ANXA1: variants seen among roughly 807,000 people sequenced by gnomAD.
The protein encoded by ANXA1 is annexin A1.
In ANXA1, 39 loss-of-function variants were observed where a neutral mutation model predicts 47.9. That is an observed-to-expected ratio of 0.81 (90% CI 0.63 to 1.06). ANXA1 has a LOEUF of 1.06. Ranked by LOEUF, ANXA1 falls within the 50% of genes least tolerant of loss-of-function variation. The probability of loss-of-function intolerance (pLI) is 0.00; values close to 1 mark genes in which losing one functional copy is unlikely to be tolerated. For synonymous variants in ANXA1, 146 were observed against 142.5 expected, an observed-to-expected ratio of 1.02 and a Z score of -0.17; for missense variants, 446 against 422.7, an observed-to-expected ratio of 1.06 and a Z score of -0.48.
chr9:73,160,203 C>T (rs1206794051), intron 4 of ANXA1, 60 bp from the exon 5 acceptor site: 2 of 1,248,918 alleles, frequency 1.6e-6, no homozygotes, highest in Non-Finnish European at 2.2e-6. Context: ...GGTAATATCA[C>T]ATTTTTTAAC....
Position 73,158,757 on chromosome 9 carries a change from T to A in ANXA1, c.129T>A (p.Asn43Lys), listed in dbSNP as rs368717717. Reference sequence around the variant, plus strand: ...CGGTGAGCCCCTATCCTACCTTCAATCCATCCTCGGATGTCGCTGCCTTGC... The same window carrying A: ...CGGTGAGCCCCTATCCTACCTTCAAACCATCCTCGGATGTCGCTGCCTTGC... ...GSAVSPYPTF[N>K]PSSDVAALHK... Residue 43 changes from asparagine to lysine, a missense_variant, in exon 3 of 13, where the codon AAT becomes AAA. Coordinates refer to ENST00000257497, the MANE Select transcript of ANXA1 (RefSeq NM_000700.3). The A allele has an allele frequency of 2.9e-5, 47 of 1,613,792 alleles. No homozygotes were observed. The highest frequency in any genetic ancestry group is 4.0e-5 in the Non-Finnish European group (47 of 1,179,890).
rs756551545 is a variant in ANXA1, at chr9:73,169,044, C to T, written c.874C>T (p.Arg292Cys). 11 of 1,610,648 alleles carry T rather than the reference C, an allele frequency of 6.8e-6. No individual in the cohort carries two copies. Among genetic ancestry groups the T allele is most frequent in the African/African-American group, 2.7e-5 (2 of 74,728 alleles). ...LHQAMKGVGTRHKALIRIMVS... is the reference protein window; with the variant it reads ...LHQAMKGVGTCHKALIRIMVS... ...TTATTTTGGCCAGGGTGTTGGAACT[C>T]GCCATAAGGCATTGATCAGGATTAT... The change falls in exon 12 of 13, where the codon CGC becomes TGC. Residue 292 changes from arginine to cysteine, a missense_variant. Coordinates refer to ENST00000257497, the MANE Select transcript of ANXA1 (RefSeq NM_000700.3).
At chr9:73,157,192 A>C (rs1190978088) in intron 1 of ANXA1, among the ~76,000 whole-genome samples, 1 of 152,146 alleles carries the variant, frequency 6.6e-6, no homozygotes, top group African/African-American at 2.4e-5. Flanking sequence ...CTCAAATAGG[A>C]AGAAATGTGA....
At chr9:73,159,799 A>T (rs1020725253) in intron 4 of ANXA1, 1 of 160,758 alleles carries the variant, frequency 6.2e-6, no homozygotes, top group African/African-American at 2.4e-5. Context: ...AATAAGCCTT[A>T]TGTCTTTTAT....
chr9:73,165,299 CT>C, intron 9 of ANXA1, 90 bp downstream of exon 9: 1 of 964,482 alleles, frequency 1.0e-6, no homozygotes. Context: ...AAACAGAACC[CT>C]TTTTCAATAT....
chr9:73,164,736 T>A (rs909836130), intron 8 of ANXA1, among the ~76,000 whole-genome samples: 1 of 152,180 alleles, frequency 6.6e-6, no homozygotes, highest in Non-Finnish European at 1.5e-5. Context: ...AGGTCCAGGT[T>A]ACGGTTGAAT....
chr9:73,164,585 C>T (rs1444707110), intron 8 of ANXA1, among the ~76,000 whole-genome samples: 1 of 151,872 alleles, frequency 6.6e-6, no homozygotes, highest in Non-Finnish European at 1.5e-5. Flanking sequence ...CCGCTTGTGA[C>T]AATAGGGCAG....
chr9:73,162,942 A>G (rs949163294), intron 7 of ANXA1, 81 bp downstream of exon 7: 2 of 1,118,584 alleles, frequency 1.8e-6, no homozygotes, highest in South Asian at 1.3e-5. Flanking sequence ...CTATAAGGGA[A>G]TATCTGAGGC....
At chr9:73,167,809 CAT>C (rs757438191) in intron 11 of ANXA1, 23 of 395,174 alleles carry the variant, frequency 5.8e-5, no homozygotes, top group South Asian at 1.8e-4. Context: ...TTGCTTAAAA[CAT>C]GTGTCACCAC....
chr9:73,164,484 A>C (rs552121413), intron 8 of ANXA1, among the ~76,000 whole-genome samples: 16 of 152,278 alleles, frequency 1.1e-4, no homozygotes, highest in Admixed American at 5.9e-4. Flanking sequence ...TTTTAAGACT[A>C]TCAGGGTTCT....
In ANXA1 at chr9:73,170,088, C is replaced by T; in HGVS notation, c.1022C>T (p.Ala341Val). ...GGAGATTATGAGAAAATCCTGGTGG[C>T]TCTTTGTGGAGGAAACTAAACATTC... The part of the protein sequence containing the change: ...TKGDYEKILV[A>V]LCGGN The change falls in exon 13 of 13, where the codon GCT becomes GTT. Residue 341 changes from alanine (A) to valine (V), a missense_variant. Physicochemically the swap from Ala to Val is moderately conservative, Grantham distance 64. Coordinates refer to ENST00000257497, the MANE Select transcript of ANXA1 (RefSeq NM_000700.3). 2 of 1,606,404 alleles carry T rather than the reference C, an allele frequency of 1.2e-6. No homozygotes were observed. The highest frequency in any genetic ancestry group is 2.2e-5 in the East Asian group (1 of 44,594).
chr9:73,162,970 T>C (rs1824168536), intron 7 of ANXA1, 109 bp downstream of exon 7: 4 of 902,734 alleles, frequency 4.4e-6, no homozygotes, highest in Non-Finnish European at 6.8e-6. Flanking sequence ...TTTTTAAAGA[T>C]AAAAAGGTTT....
In ANXA1 at chr9:73,166,192, G is replaced by A. The variant is rs1369672677; in HGVS notation, c.802G>A (p.Val268Met). The change falls in exon 10 of 13, where the codon GTG becomes ATG. Residue 268 changes from valine (V) to methionine (M), a missense_variant and splice_region_variant. Val to Met is a conservative substitution (Grantham distance 21, BLOSUM62 1). Transcript: ENST00000257497. ...GDIEKCLTAIVKCATSKPAFF... is the reference protein window; with the variant it reads ...GDIEKCLTAIMKCATSKPAFF... ...CATTGAGAAATGCCTCACAGCTATC[G>A]GTATGTAGTCCAGCAGTTGAAAGAG... 6 of 1,606,036 alleles carry A rather than the reference G, an allele frequency of 3.7e-6. No homozygotes were observed. Among genetic ancestry groups the A allele is most frequent in the Admixed American group, 1.7e-5 (1 of 59,090 alleles).
chr9:73,169,749 A>T (rs1181861005), intron 12 of ANXA1, among the ~76,000 whole-genome samples: 1 of 152,122 alleles, frequency 6.6e-6, no homozygotes, highest in Non-Finnish European at 1.5e-5. Flanking sequence ...CTCACATAAG[A>T]TATGAGATTA....
intron 1 of ANXA1, among the ~76,000 whole-genome samples, chr9:73,155,142 CA>C: frequency 6.6e-6 from 1 of 152,138 alleles, no homozygotes; most frequent in Admixed American, 6.5e-5. Context: ...TGCATGTTCA[CA>C]AAAAGACCAT....
chr9:73,167,460 T>C (rs541971115), intron 10 of ANXA1, 37 bp from the exon 11 acceptor site: 3 of 1,588,596 alleles, frequency 1.9e-6, no homozygotes, highest in African/African-American at 2.7e-5. Flanking sequence ...ATTTTTTTCA[T>C]GGTAAATACA....
chr9:73,152,151 G>A lies in ANXA1; in HGVS notation c.-15+227G>A, dbSNP rs117520090. On this transcript the variant is annotated intron_variant, in intron 1 of 12. Coordinates refer to ENST00000257497, the MANE Select transcript of ANXA1 (RefSeq NM_000700.3). ...ACAAATACAAGTAAAAATAAGATAA[G>A]TTTGCTTAATACTGGCTCATTGTAC... Among the ~76,000 whole-genome samples the A allele has an allele frequency of 3.6e-4, 55 of 152,284 alleles. No individual in the cohort carries two copies. In the East Asian group the frequency reaches 0.01, roughly 28 times the overall value.
intron 1 of ANXA1, chr9:73,154,435 T>A: frequency 1.8e-6 from 2 of 1,100,506 alleles, no homozygotes; most frequent in Non-Finnish European, 2.5e-6. Context: ...TCTTTTCTTT[T>A]CTTTTTCTTT....
At chr9:73,163,638 A>C in intron 8 of ANXA1, 106 bp downstream of exon 8, 2 of 1,112,926 alleles carry the variant, frequency 1.8e-6, no homozygotes, top group Non-Finnish European at 2.6e-6. Flanking sequence ...TGAGAGACCA[A>C]TGGCTTCTTA....
Sources: gnomAD v4.1 joint callset for allele counts (sites outside exome capture counted in the v4.1 genomes callset) on GRCh38, gnomAD v4.1.1 for gene constraint, MANE v1.5 for transcripts, NCBI Gene and HGNC (gene_info 2026-07-23, HGNC 2026-07-21) for gene names.